Variants in MEGF11 observed in about 807,000 individuals in gnomAD.
MEGF11 encodes multiple EGF like domains 11, also known as multiple epidermal growth factor-like domains protein 11.
MEGF11 carries 126 observed loss-of-function variants against 146.6 expected under a neutral mutation model. The ratio of observed to expected loss-of-function variants is 0.86; its 90% confidence interval spans 0.74 to 1.00. MEGF11 has a LOEUF of 1.00. Ranked by LOEUF, MEGF11 falls within the 50% of genes least tolerant of loss-of-function variation. The pLI is 0.00. For missense variants in MEGF11, 1,509 were observed against 1,521.2 expected (o/e 0.99, Z 0.13); for synonymous variants, 532 against 583.4 (o/e 0.91, Z 1.27).
intron 7 of MEGF11, among the ~76,000 whole-genome samples, chr15:65,980,432 CTCACT>C (rs2081596054): frequency 8.9e-6 from 1 of 111,804 alleles, no homozygotes; most frequent in Non-Finnish European, 1.7e-5. Flanking sequence ...GAGACAGAGT[CTCACT>C]CTGTTGCCCA....
At chr15:66,065,137 G>A (rs1205142471) in intron 5 of MEGF11, among the ~76,000 whole-genome samples, 5 of 152,136 alleles carry the variant, frequency 3.3e-5, no homozygotes, top group Non-Finnish European at 5.9e-5. Context: ...GGCAGGAGGG[G>A]GATGCACCCA....
intron 5 of MEGF11, among the ~76,000 whole-genome samples, chr15:66,059,026 G>A (rs2084792764): frequency 6.6e-6 from 1 of 152,112 alleles, no homozygotes; most frequent in African/African-American, 2.4e-5. Flanking sequence ...AGGAGTCTGG[G>A]GGTGAGTAGG....
intron 3 of MEGF11, among the ~76,000 whole-genome samples, chr15:66,120,444 G>A (rs1222091796): frequency 6.6e-6 from 1 of 152,194 alleles, no homozygotes; most frequent in Non-Finnish European, 1.5e-5. Flanking sequence ...AGCTTGCCCT[G>A]TGGACTCTTC....
chr15:66,107,904 CAAT>C (rs1567243988), intron 4 of MEGF11, among the ~76,000 whole-genome samples: 1 of 152,112 alleles, frequency 6.6e-6, no homozygotes, highest in African/African-American at 2.4e-5. Flanking sequence ...GTGAGAGAAA[CAAT>C]AAACACATTG....
intron 1 of MEGF11, among the ~76,000 whole-genome samples, chr15:66,234,219 G>A (rs1314631449): frequency 1.3e-5 from 2 of 152,162 alleles, no homozygotes; most frequent in Non-Finnish European, 2.9e-5. Flanking sequence ...ATTTCTGAAT[G>A]TAAGACTGGA....
intron 5 of MEGF11, among the ~76,000 whole-genome samples, chr15:66,030,952 G>C (rs560514132): frequency 3.9e-5 from 6 of 152,288 alleles, no homozygotes; most frequent in African/African-American, 1.4e-4. Flanking sequence ...ATGTAAGAGG[G>C]CTCATAAGCT....
At chr15:66,071,270 T>C (rs1373840402) in intron 5 of MEGF11, among the ~76,000 whole-genome samples, 2 of 152,194 alleles carry the variant, frequency 1.3e-5, no homozygotes. Context: ...GGGGAAGAGC[T>C]GACATTGTCT....
intron 5 of MEGF11, among the ~76,000 whole-genome samples, chr15:66,080,139 G>A (rs8035662): frequency 0.29 from 44,739 of 152,064 alleles, 6,864 homozygotes; most frequent in East Asian, 0.47. Context: ...TTCCTCCCCT[G>A]CGGCCCACAG....
intron 13 of MEGF11, among the ~76,000 whole-genome samples, chr15:65,926,338 T>A (rs999208041): frequency 1.3e-5 from 2 of 152,160 alleles, no homozygotes; most frequent in African/African-American, 4.8e-5. Flanking sequence ...CTTTAAAGCC[T>A]CCCCCACTTT....
chr15:66,093,105 T>G (rs899778106), intron 5 of MEGF11, among the ~76,000 whole-genome samples: 2 of 152,082 alleles, frequency 1.3e-5, no homozygotes, highest in African/African-American at 4.8e-5. Flanking sequence ...GTAGGACAAG[T>G]GGAAGGAGGA....
intron 5 of MEGF11, among the ~76,000 whole-genome samples, chr15:66,053,336 C>A (rs116421088): frequency 1.7e-3 from 259 of 152,256 alleles, no homozygotes; most frequent in African/African-American, 5.8e-3. Flanking sequence ...GAGATGGGGA[C>A]TTAAATATTA....
chr15:66,025,829 C>T (rs908657538), intron 5 of MEGF11, among the ~76,000 whole-genome samples: 2 of 152,198 alleles, frequency 1.3e-5, no homozygotes, highest in African/African-American at 4.8e-5. Flanking sequence ...TGGGGTCCAG[C>T]ATCTCAACCC....
At chr15:65,899,680 C>T (rs1311031738) in intron 24 of MEGF11, among the ~76,000 whole-genome samples, 2 of 152,192 alleles carry the variant, frequency 1.3e-5, no homozygotes, top group African/African-American at 4.8e-5. Flanking sequence ...GTGTAAAAAG[C>T]ACGTCAGTCT....
At chr15:66,094,352 C>T in intron 5 of MEGF11, 50 bp downstream of exon 5, 8 of 1,486,338 alleles carry the variant, frequency 5.4e-6, no homozygotes, top group Non-Finnish European at 7.3e-6. Context: ...ACCCACTCCC[C>T]TACCAAGTCA....
At chr15:66,241,587 C>G (rs2092209684) in intron 1 of MEGF11, among the ~76,000 whole-genome samples, 1 of 152,142 alleles carries the variant, frequency 6.6e-6, no homozygotes, top group Non-Finnish European at 1.5e-5. Context: ...AGGAAGGTCT[C>G]CAGGAACTGC....
At chr15:66,249,571 G>T (rs1289898857) in intron 1 of MEGF11, among the ~76,000 whole-genome samples, 1 of 152,136 alleles carries the variant, frequency 6.6e-6, no homozygotes, top group Non-Finnish European at 1.5e-5. Flanking sequence ...ATGGCCTCTT[G>T]GATGGGGAGG....
At chr15:66,137,494 G>A (rs191288671) in intron 1 of MEGF11, among the ~76,000 whole-genome samples, 1 of 152,190 alleles carries the variant, frequency 6.6e-6, no homozygotes, top group East Asian at 1.9e-4. Context: ...ACAGGAAGAT[G>A]CTCGGAGTAT....
intron 1 of MEGF11, among the ~76,000 whole-genome samples, chr15:66,211,633 G>A (rs182921119): frequency 6.6e-6 from 1 of 151,952 alleles, no homozygotes; most frequent in Non-Finnish European, 1.5e-5. Context: ...CCCAGGCAGA[G>A]GTGGGAAGCC....
At chr15:66,042,604 TCA>T (rs1221349681) in intron 5 of MEGF11, among the ~76,000 whole-genome samples, 1 of 152,138 alleles carries the variant, frequency 6.6e-6, no homozygotes, top group Non-Finnish European at 1.5e-5. Context: ...ATTTATCAAC[TCA>T]CAGTTCCAGA....
Sources: allele counts gnomAD v4.1 joint callset (sites outside exome capture counted in the v4.1 genomes callset), GRCh38; gene constraint gnomAD v4.1.1; transcripts MANE v1.5; gene names NCBI Gene and HGNC (gene_info 2026-07-23, HGNC 2026-07-21).